IQCM: variants seen among roughly 807,000 people sequenced by gnomAD.
IQCM encodes the protein IQ motif containing M.
In IQCM, 45 loss-of-function variants were observed where a neutral mutation model predicts 57.6. The ratio of observed to expected loss-of-function variants is 0.78; its 90% CI spans 0.62 to 1.00. The LOEUF is 1.00. Ranked by LOEUF, IQCM falls within the 50% of genes least tolerant of loss-of-function variation. The probability of loss-of-function intolerance (pLI) is 0.00; values close to 1 mark genes in which losing one functional copy is unlikely to be tolerated. For synonymous variants in IQCM, 148 were observed against 158.9 expected, an observed-to-expected ratio of 0.93 and a Z score of 0.51; for missense variants, 468 against 511.6, an observed-to-expected ratio of 0.91 and a Z score of 0.82.
At chr4:149,377,137 C>A (rs1730754530) in intron 13 of IQCM, among the ~76,000 whole-genome samples, 1 of 151,990 alleles carries the variant, frequency 6.6e-6, no homozygotes, top group African/African-American at 2.4e-5. Context: ...TTACTTTAGT[C>A]CATCTAACGA....
At chr4:149,430,353 T>C (rs1694899354) in intron 13 of IQCM, among the ~76,000 whole-genome samples, 1 of 152,006 alleles carries the variant, frequency 6.6e-6, no homozygotes, top group African/African-American at 2.4e-5. Flanking sequence ...TTTTTATAGA[T>C]TTATTGAGGC....
chr4:149,719,554 A>G (rs1331696147), intron 5 of IQCM, among the ~76,000 whole-genome samples: 1 of 152,192 alleles, frequency 6.6e-6, no homozygotes, highest in African/African-American at 2.4e-5. Flanking sequence ...TGATTCACAT[A>G]AACTGGAAAG....
At chr4:149,393,513 A>G (rs1732010535) in intron 13 of IQCM, among the ~76,000 whole-genome samples, 1 of 151,960 alleles carries the variant, frequency 6.6e-6, no homozygotes, top group South Asian at 2.1e-4. Context: ...AATTTTTAAG[A>G]ACATAAAGAT....
At chr4:149,368,843 C>T (rs13128202) in intron 13 of IQCM, among the ~76,000 whole-genome samples, 11 of 57,974 alleles carry the variant, frequency 1.9e-4, no homozygotes, top group African/African-American at 3.3e-4. Flanking sequence ...TATATATATA[C>T]ATATATATAC....
chr4:149,368,948 A>G (rs1253395920), intron 13 of IQCM, among the ~76,000 whole-genome samples: 1 of 88,210 alleles, frequency 1.1e-5, no homozygotes, highest in Admixed American at 1.2e-4. Context: ...ATATATGTGT[A>G]TATATATACA....
chr4:149,421,141 G>A (rs1226564240), intron 13 of IQCM, among the ~76,000 whole-genome samples: 3 of 152,088 alleles, frequency 2.0e-5, no homozygotes, highest in Non-Finnish European at 2.9e-5. Flanking sequence ...TCTATTCAAT[G>A]TCCAGTTGCT....
At chr4:149,803,263 T>A (rs1773772996) in intron 2 of IQCM, among the ~76,000 whole-genome samples, 1 of 152,012 alleles carries the variant, frequency 6.6e-6, no homozygotes, top group Non-Finnish European at 1.5e-5. Context: ...TTATGTGCCA[T>A]CATAAGGACA....
chr4:149,392,149 G>T (rs908000107), intron 13 of IQCM, among the ~76,000 whole-genome samples: 3 of 146,272 alleles, frequency 2.1e-5, no homozygotes, highest in African/African-American at 7.6e-5. Context: ...CACATAGTTT[G>T]GGAGTCCATT....
Position 149,530,402 on chromosome 4 carries a change from T to C in IQCM, c.1228+18053A>G, listed in dbSNP as rs1579383149. Among the ~76,000 whole-genome samples the C allele has an allele frequency of 2.6e-5, 4 of 152,266 alleles. No individual in the cohort carries two copies. In the South Asian group the frequency reaches 8.3e-4, roughly 32 times the overall value. ...ATATAAGATGCTCAATAAATATTTG[T>C]TGAATTAGTGAATGGGAGAGAAAAC... is the stretch of plus-strand genomic sequence containing the variant. On this transcript the variant is annotated intron_variant, in intron 12 of 13. Transcript: ENST00000636793.
chr4:149,458,266 AAAGAATGTAAAAGGAGCTTCCCT>A (rs1442457804), intron 12 of IQCM, among the ~76,000 whole-genome samples: 1 of 152,046 alleles, frequency 6.6e-6, no homozygotes, highest in Non-Finnish European at 1.5e-5. Context: ...TAACACCAAC[AAAGAATGTAAAAGGAGCTTCCCT>A]AAGCAGTAAA....
intron 12 of IQCM, among the ~76,000 whole-genome samples, chr4:149,517,153 C>T (rs886709384): frequency 1.9e-4 from 27 of 145,482 alleles, no homozygotes; most frequent in Non-Finnish European, 2.4e-4. Flanking sequence ...CCTGCTGAGG[C>T]GCTTGCTAAA....
intron 13 of IQCM, among the ~76,000 whole-genome samples, chr4:149,398,398 A>G (rs1232986780): frequency 1.3e-5 from 2 of 151,906 alleles, no homozygotes; most frequent in Admixed American, 6.6e-5. Flanking sequence ...TCTGTGAAAA[A>G]TGTCATTGGG....
At chr4:149,767,805 AT>A (rs1770198757) in intron 2 of IQCM, among the ~76,000 whole-genome samples, 1 of 152,132 alleles carries the variant, frequency 6.6e-6, no homozygotes, top group Non-Finnish European at 1.5e-5. Flanking sequence ...TTTTTGAATA[AT>A]TGCAATCCCT....
chr4:149,390,904 C>A (rs1051657624), intron 13 of IQCM, among the ~76,000 whole-genome samples: 10 of 149,860 alleles, frequency 6.7e-5, no homozygotes, highest in African/African-American at 2.5e-4. Flanking sequence ...TTATATCTGT[C>A]TGGTGTTGGT....
intron 13 of IQCM, among the ~76,000 whole-genome samples, chr4:149,395,778 C>T (rs888404768): frequency 1.3e-5 from 2 of 152,010 alleles, no homozygotes; most frequent in Admixed American, 6.6e-5. Context: ...GTATTAAGAC[C>T]TATTCTCTAT....
intron 13 of IQCM, among the ~76,000 whole-genome samples, chr4:149,410,320 A>G (rs1051021177): frequency 1.3e-5 from 2 of 152,102 alleles, no homozygotes; most frequent in Admixed American, 1.3e-4. Context: ...TACTATATTT[A>G]TAGACCATAT....
Position 149,351,997 on chromosome 4 carries a change from C to T in IQCM, c.1460G>A (p.Arg487Lys), listed in dbSNP as rs115884112. Residue 487 changes from arginine (R) to lysine (K), a missense_variant, in exon 14 of 14, where the codon AGA becomes AAA. Arg to Lys is a conservative substitution (Grantham distance 26, BLOSUM62 2). Coordinates refer to ENST00000636793, the MANE Select transcript of IQCM (RefSeq NM_001363507.2). ...VVGKLVARSIRERKMRQHYKS... is the reference protein window; with the variant it reads ...VVGKLVARSIKERKMRQHYKS... ...ATAATGTTGTCTCATTTTCCTTTCT[C>T]TTATGGATCGGGCCACCAACTTTCC... 5.0e-6 allele frequency: 2 copies of T among 398,944 alleles called. No homozygotes were observed. Among genetic ancestry groups the T allele is most frequent in the Non-Finnish European group, 8.8e-6 (2 of 226,010 alleles). 24.7% of individuals were successfully genotyped at this position (398,944 alleles called of 1,614,324 possible).
intron 9 of IQCM, among the ~76,000 whole-genome samples, chr4:149,576,260 G>T (rs1183882294): frequency 1.3e-5 from 2 of 151,628 alleles, no homozygotes; most frequent in Admixed American, 1.3e-4. Context: ...CAAGTAATAA[G>T]CACAGTACCC....
At chr4:149,410,746 A>T (rs1733327839) in intron 13 of IQCM, among the ~76,000 whole-genome samples, 1 of 151,992 alleles carries the variant, frequency 6.6e-6, no homozygotes, top group African/African-American at 2.4e-5. Flanking sequence ...TTATCTAATG[A>T]TATCTGATGA....
Sources: gnomAD v4.1 joint callset for allele counts (sites outside exome capture counted in the v4.1 genomes callset) on GRCh38, gnomAD v4.1.1 for gene constraint, MANE v1.5 for transcripts, NCBI Gene and HGNC (gene_info 2026-07-23, HGNC 2026-07-21) for gene names.